The following DAG1 variants were observed in gnomAD, a reference collection of about 807,000 sequenced individuals.
DAG1 encodes the protein dystroglycan 1, also known as dystroglycan 1 (dystrophin-associated glycoprotein 1).
A neutral mutation model predicts 46.1 loss-of-function variants in DAG1; 8 were observed. The observed-to-expected ratio is 0.17, with a 90% CI of 0.10 to 0.31. The LOEUF is 0.31. Ranked by LOEUF, DAG1 falls within the 10% of genes least tolerant of loss-of-function variation. The probability of loss-of-function intolerance (pLI) is 1.00; values close to 1 mark genes in which losing one functional copy is unlikely to be tolerated. For synonymous variants in DAG1, 495 were observed against 481.8 expected (o/e 1.03, Z -0.36); for missense variants, 1,003 against 1,189.9 (o/e 0.84, Z 2.31).
intron 1 of DAG1, among the ~76,000 whole-genome samples, chr3:49,490,770 A>G (rs186364578): frequency 1.3e-5 from 2 of 150,826 alleles, no homozygotes; most frequent in African/African-American, 4.9e-5. Flanking sequence ...GGGTTTCACC[A>G]TGTTGCCCAG....
In DAG1 at chr3:49,531,660, C is replaced by A. The variant is rs1381198634; in HGVS notation, c.1149C>A (p.Gly383=). The A allele has an allele frequency of 6.2e-7, 1 of 1,613,526 alleles. No homozygotes were observed. ...CCATTATTCAAACCCCAACCCTAGG[C>A]CCCATCCAGCCTACTCGGGTGTCAG... The part of the protein sequence containing the change: ...RGAIIQTPTL[G]PIQPTRVSEA... The change falls in exon 3 of 3, where the codon GGC becomes GGA. Residue 383 remains glycine (G), a synonymous_variant. Transcript: ENST00000308775. The surrounding 1 kb of genome is among the most constrained non-coding windows in gnomAD (Gnocchi z 7.0).
chr3:49,491,471 C>A (rs1575358874), intron 1 of DAG1, among the ~76,000 whole-genome samples: 1 of 151,654 alleles, frequency 6.6e-6, no homozygotes, highest in East Asian at 1.9e-4. Flanking sequence ...CCACTATGTC[C>A]TGCTATTTTT....
intron 1 of DAG1, among the ~76,000 whole-genome samples, chr3:49,489,772 A>G (rs562241069): frequency 6.6e-6 from 1 of 152,246 alleles, no homozygotes; most frequent in South Asian, 2.1e-4. Context: ...CTTTTAAAGT[A>G]TCCTCACTTC....
intron 2 of DAG1, among the ~76,000 whole-genome samples, chr3:49,512,786 G>T (rs1310044671): frequency 6.7e-6 from 1 of 150,006 alleles, no homozygotes; most frequent in Non-Finnish European, 1.5e-5. Flanking sequence ...TGGGCAACAT[G>T]GTGAAACCCC....
At chr3:49,479,309 T>C (rs1279766014) in intron 1 of DAG1, among the ~76,000 whole-genome samples, 1 of 144,010 alleles carries the variant, frequency 6.9e-6, no homozygotes, top group Non-Finnish European at 1.5e-5. Context: ...AGTTTGAGTA[T>C]AGATTTTTTT....
rs1185036237 is a variant in DAG1 at position 49,510,881 on chromosome 3, GCTTTTC to G, written c.285+69_285+74del. On this transcript the variant is annotated intron_variant, in intron 2 of 2. Coordinates refer to ENST00000308775, the MANE Select transcript of DAG1 (RefSeq NM_004393.6). ...CTCATTTTCCATTTTAGTTTTGGTG[GCTTTTC>G]CTTTTCAAGTCTAAGCTTCACCAAT... 3.1e-6 allele frequency: 5 copies of G among 1,589,846 alleles called. No individual in the cohort carries two copies. The African/African-American group carries it at 5.4e-5, about 17-fold the overall frequency.
chr3:49,526,573 C>T (rs372042085), intron 2 of DAG1, among the ~76,000 whole-genome samples: 4 of 152,012 alleles, frequency 2.6e-5, no homozygotes, highest in East Asian at 3.9e-4. Flanking sequence ...AAAAATTAGC[C>T]GGGCATAGTG....
intron 2 of DAG1, among the ~76,000 whole-genome samples, chr3:49,525,524 C>T (rs978691342): frequency 6.6e-6 from 1 of 151,110 alleles, no homozygotes; most frequent in Admixed American, 6.6e-5. Flanking sequence ...CACGGCTGGC[C>T]GGAACAGGAG....
intron 2 of DAG1, among the ~76,000 whole-genome samples, chr3:49,526,923 AGT>A (rs1487056450): frequency 6.6e-6 from 1 of 152,182 alleles, no homozygotes; most frequent in Admixed American, 6.5e-5. Context: ...AGTTAAAATA[AGT>A]GTATGGCTTT....
Position 49,510,427 on chromosome 3 carries a change from T to A in DAG1, c.-108T>A. 9.2e-7 allele frequency: 1 copy of A among 1,083,814 alleles called. No individual in the cohort carries two copies. The highest frequency in any genetic ancestry group is 1.4e-6 in the Non-Finnish European group (1 of 709,952). 67.1% of individuals were successfully genotyped at this position (1,083,814 alleles called of 1,614,324 possible). A position where few individuals can be genotyped will look rare whatever the true frequency, so the allele number is the denominator to read the frequency against. ...TTTTCTTTTTTTTTCAGGCTCTGTGTGCTCCGGGATGGAGCAGGTGTGCAG... is the reference window on the plus strand; with the variant it reads ...TTTTCTTTTTTTTTCAGGCTCTGTGAGCTCCGGGATGGAGCAGGTGTGCAG... On this transcript the variant is annotated 5_prime_UTR_variant, in exon 2 of 3. Coordinates refer to ENST00000308775, the MANE Select transcript of DAG1 (RefSeq NM_004393.6).
intron 1 of DAG1, among the ~76,000 whole-genome samples, chr3:49,490,351 T>C (rs1396373185): frequency 7.1e-6 from 1 of 140,996 alleles, no homozygotes; most frequent in East Asian, 2.0e-4. Context: ...AGACTCTGTC[T>C]CAAAAAAAAA....
chr3:49,533,525 T>C lies in DAG1; in HGVS notation c.*326T>C. 5.5e-6 allele frequency: 3 copies of C among 544,294 alleles called. No homozygotes were observed. In the East Asian group the frequency reaches 1.2e-4, roughly 23 times the overall value. The allele number at this position is 544,294 out of a possible 1,614,324, so 33.7% of individuals were successfully genotyped here. ...GGTGGAGGGAGCGAGGAACCATGAA[T>C]GAACTCGCAGGCAGTGCCGGGCGGC... On this transcript the variant is annotated 3_prime_UTR_variant, in exon 3 of 3. Coordinates refer to ENST00000308775, the MANE Select transcript of DAG1 (RefSeq NM_004393.6).
intron 1 of DAG1, among the ~76,000 whole-genome samples, chr3:49,495,869 G>A (rs571061221): frequency 1.3e-5 from 2 of 151,962 alleles, no homozygotes; most frequent in African/African-American, 2.4e-5. Flanking sequence ...GCAGTGAGCC[G>A]AGATCGTGCC....
intron 1 of DAG1, among the ~76,000 whole-genome samples, chr3:49,502,042 C>A (rs919419674): frequency 6.6e-6 from 1 of 152,060 alleles, no homozygotes; most frequent in Admixed American, 6.6e-5. Context: ...GGTGTGGTGG[C>A]GCACACCTGT....
chr3:49,532,800 C>G lies in DAG1; in HGVS notation c.2289C>G (p.Ile763Met). ...TTCCGGCCGTGGTGGTCGCAGCCAT[C>G]CTGCTCATTGCTGGCATCATTGCCA... ...TVIPAVVVAA[I>M]LLIAGIIAMI... Residue 763 changes from isoleucine to methionine, a missense_variant, in exon 3 of 3, where the codon ATC (isoleucine) becomes ATG (methionine). Physicochemically the swap from Ile to Met is conservative, Grantham distance 10. Around this residue, in one of 3 missense-constraint regions of DAG1, gnomAD observed 755 missense variants for 854.1 expected, o/e 0.88. Coordinates refer to ENST00000308775, the MANE Select transcript of DAG1 (RefSeq NM_004393.6). This position sits in a 1 kb window ranked among gnomAD's most constrained non-coding sequence, Gnocchi z 5.4. 6.2e-7 allele frequency: 1 copy of G among 1,614,000 alleles called. No individual in the cohort carries two copies. The highest frequency in any genetic ancestry group is 8.5e-7 in the Non-Finnish European group (1 of 1,180,016).
intron 1 of DAG1, 99 bp from the exon 2 acceptor site, chr3:49,510,320 A>C (rs2050727488): frequency 3.3e-6 from 2 of 610,320 alleles, no homozygotes; most frequent in Non-Finnish European, 5.8e-6. Flanking sequence ...GCTTGATCCA[A>C]CTCGGGGTAG....
At chr3:49,478,325 G>A (rs987595806) in intron 1 of DAG1, among the ~76,000 whole-genome samples, 3 of 143,972 alleles carry the variant, frequency 2.1e-5, no homozygotes, top group Admixed American at 7.2e-5. Flanking sequence ...AAAGGAGCCC[G>A]ATCTCATGCC....
chr3:49,513,531 A>G (rs1366951260), intron 2 of DAG1, among the ~76,000 whole-genome samples: 1 of 152,064 alleles, frequency 6.6e-6, no homozygotes, highest in African/African-American at 2.4e-5. Context: ...TTCCTTGCAG[A>G]GGTGAGTCTG....
intron 1 of DAG1, among the ~76,000 whole-genome samples, chr3:49,490,085 G>A (rs1421844459): frequency 6.6e-6 from 1 of 152,142 alleles, no homozygotes; most frequent in Non-Finnish European, 1.5e-5. Context: ...TGGGCGCGGT[G>A]GCTTACGCCT....
Sources: gnomAD v4.1 joint callset for allele counts (sites outside exome capture counted in the v4.1 genomes callset) on GRCh38, gnomAD v4.1.1 for gene constraint, gnomAD v4.1.1 regional missense constraint, Gnocchi (gnomAD v3.1) non-coding constraint, MANE v1.5 for transcripts, NCBI Gene and HGNC (gene_info 2026-07-23, HGNC 2026-07-21) for gene names.